The following OR4N5 variants were observed in gnomAD, a reference collection of about 807,000 sequenced individuals.
OR4N5 encodes olfactory receptor 4N5.
For missense variants in OR4N5, 428 were observed against 370.0 expected, an observed-to-expected ratio of 1.16 and a Z score of -1.29; for synonymous variants, 155 against 140.6, an observed-to-expected ratio of 1.10 and a Z score of -0.72.
At position 20,145,077 on chromosome 14, in the gene OR4N5, T is replaced by C. The variant is rs553561981; in HGVS notation, c.*415T>C. ...CAATATGATTCGAAAGAAACAACCA[T>C]GCAAATATCTGGGGACAGAAATTCT... is the stretch of plus-strand genomic sequence containing the variant. On this transcript the variant is annotated 3_prime_UTR_variant, in exon 3 of 3. Transcript: ENST00000641086. 6.2e-6 allele frequency: 1 copy of C among 160,270 alleles called. No individual in the cohort carries two copies. Among genetic ancestry groups the C allele is most frequent in the South Asian group, 1.8e-4 (1 of 5,530 alleles). The allele number at this position is 160,270 out of a possible 1,614,324, so 9.9% of individuals were successfully genotyped here.
Position 20,141,174 on chromosome 14 carries a change from ATAAC to A in OR4N5, c.-42_-39del, listed in dbSNP as rs1878608775. 6.6e-6 allele frequency: 1 copy of A among 152,116 alleles called. No homozygotes were observed. The highest frequency in any genetic ancestry group is 6.6e-5 in the Admixed American group (1 of 15,260). The allele number at this position is 152,116 out of a possible 1,614,324, so 9.4% of individuals were successfully genotyped here. A position where few individuals can be genotyped will look rare whatever the true frequency, so the allele number is the denominator to read the frequency against. ...AATCCTCAACCTGGAGAAGCATGAG[ATAAC>A]TAACTATAATTGAACATCTGGAATG... On this transcript the variant is annotated 5_prime_UTR_variant, in exon 2 of 3. Coordinates refer to ENST00000641086, the MANE Select transcript of OR4N5 (RefSeq NM_001004724.2).
intron 2 of OR4N5, 88 bp from the exon 3 acceptor site, chr14:20,143,637 C>A: frequency 2.2e-6 from 2 of 899,176 alleles, no homozygotes; most frequent in Non-Finnish European, 3.5e-6. Flanking sequence ...TTGGTTGGGA[C>A]AAATAATGTT....
At position 20,144,819 on chromosome 14, in the gene OR4N5, A is replaced by G. The variant is rs1285472714; in HGVS notation, c.*157A>G. The stretch of plus-strand genomic sequence containing the variant: ...ACTATTCCAGGCATATGAATGAGAC[A>G]GGTAAGATTCCAGGTCTCCTAGATT... On this transcript the variant is annotated 3_prime_UTR_variant, in exon 3 of 3. Coordinates refer to ENST00000641086, the MANE Select transcript of OR4N5 (RefSeq NM_001004724.2). 6.7e-6 allele frequency: 4 copies of G among 598,100 alleles called. No homozygotes were observed. In the African/African-American group the frequency reaches 7.4e-5, roughly 11 times the overall value. 37.0% of individuals were successfully genotyped at this position (598,100 alleles called of 1,614,324 possible). A position where few individuals can be genotyped will look rare whatever the true frequency, so the allele number is the denominator to read the frequency against.
Position 20,143,895 on chromosome 14 carries a change from G to A in OR4N5, c.160G>A (p.Gly54Arg), listed in dbSNP as rs1030037570. The change falls in exon 3 of 3, where the codon GGG becomes AGG. Residue 54 changes from glycine (G) to arginine (R), a missense_variant. Gly to Arg is a moderately radical substitution (Grantham distance 125, BLOSUM62 -2). Transcript: ENST00000641086. The stretch of plus-strand genomic sequence containing the variant: ...CATTTTCACCATAAAGTCAGACCCT[G>A]GGCTCACAGCCCCCCTCTATTTCTT... ...LIIFTIKSDP[G>R]LTAPLYFFLG... is the part of the protein sequence containing the mutation. The A allele has an allele frequency of 1.2e-5, 20 of 1,613,984 alleles. No individual in the cohort carries two copies. The highest frequency in any genetic ancestry group is 1.6e-5 in the Non-Finnish European group (19 of 1,179,950).
At position 20,144,513 on chromosome 14, in the gene OR4N5, T is replaced by C. The variant is rs10134472; in HGVS notation, c.778T>C (p.Cys260Arg). 5.2e-3 allele frequency: 8,376 copies of C among 1,614,066 alleles called. 176 individuals carry two copies. The highest frequency in any genetic ancestry group is 0.049 in the African/African-American group (3,662 of 75,028). ...TGGACCTGCTATTTTCATCTACACT[T>C]GCCCCTTCCAGGCTTTCCCAGCTGA... ...MFGPAIFIYT[C>R]PFQAFPADKV... Residue 260 changes from cysteine to arginine, a missense_variant, in exon 3 of 3, where the codon TGC (cysteine) becomes CGC (arginine). Cys to Arg is a radical substitution (Grantham distance 180). Transcript: ENST00000641086.
chr14:20,144,747 G>A lies in OR4N5; in HGVS notation c.*85G>A. 1 of 825,228 alleles carries A rather than the reference G, an allele frequency of 1.2e-6. No homozygotes were observed. Among genetic ancestry groups the A allele is most frequent in the South Asian group, 1.7e-5 (1 of 58,146 alleles). The allele number at this position is 825,228 out of a possible 1,614,324, so 51.1% of individuals were successfully genotyped here. On this transcript the variant is annotated 3_prime_UTR_variant, in exon 3 of 3. Transcript: ENST00000641086. Reference sequence around the variant, plus strand: ...CCTCATTCATGCATTGAATCAGTCAGTCATTTAGCAAGTATTATAATTATT... The same window carrying A: ...CCTCATTCATGCATTGAATCAGTCAATCATTTAGCAAGTATTATAATTATT...
rs537983683 is a variant in OR4N5 at position 20,142,996 on chromosome 14, T to A, written c.-11-729T>A. Among the ~76,000 whole-genome samples, 5 of 152,292 alleles carry A rather than the reference T, an allele frequency of 3.3e-5. No individual in the cohort carries two copies. The South Asian group carries it at 1.0e-3, about 32-fold the overall frequency. On this transcript the variant is annotated intron_variant, in intron 2 of 2. Transcript: ENST00000641086. ...ATCTGAAGAAGAAGTAGGTTATAGA[T>A]ATATAGAGAGCAGATGAAACTGAAT...
intron 1 of OR4N5, among the ~76,000 whole-genome samples, chr14:20,139,381 G>T (rs530797641): frequency 8.3e-4 from 126 of 152,240 alleles, no homozygotes; most frequent in African/African-American, 2.8e-3. Context: ...TTCCCCATCT[G>T]CACATGGTCC....
intron 1 of OR4N5, among the ~76,000 whole-genome samples, chr14:20,140,170 G>T (rs17242467): frequency 1.3e-5 from 2 of 152,032 alleles, no homozygotes; most frequent in African/African-American, 4.8e-5. Flanking sequence ...TAAAGGGTAG[G>T]CATTGAATAT....
At chr14:20,143,655 G>A in intron 2 of OR4N5, 70 bp from the exon 3 acceptor site, 4 of 1,014,398 alleles carry the variant, frequency 3.9e-6, no homozygotes, top group Non-Finnish European at 5.9e-6. Context: ...GTTCTTATCT[G>A]GAGAGGAGAT....
chr14:20,141,813 G>A (rs1308308217), intron 2 of OR4N5, among the ~76,000 whole-genome samples: 1 of 152,044 alleles, frequency 6.6e-6, no homozygotes, highest in Non-Finnish European at 1.5e-5. Context: ...AAATTCAATG[G>A]TTTTAAGTAT....
In OR4N5 at chr14:20,145,436, T is replaced by C. The variant is rs1878718987; in HGVS notation, c.*774T>C. On this transcript the variant is annotated 3_prime_UTR_variant, in exon 3 of 3. Coordinates refer to ENST00000641086, the MANE Select transcript of OR4N5 (RefSeq NM_001004724.2). ...TCATTAAGTGGAAAGTGCGTGCTGCTAAGTATTTTTTATTTATGTCAACAC... is the reference window on the plus strand; with the variant it reads ...TCATTAAGTGGAAAGTGCGTGCTGCCAAGTATTTTTTATTTATGTCAACAC... The C allele has an allele frequency of 1.3e-5, 2 of 152,192 alleles. No individual in the cohort carries two copies. Among genetic ancestry groups the C allele is most frequent in the African/African-American group, 2.4e-5 (1 of 41,464 alleles). The allele number at this position is 152,192 out of a possible 1,614,324, so 9.4% of individuals were successfully genotyped here. A position where few individuals can be genotyped will look rare whatever the true frequency, so the allele number is the denominator to read the frequency against.
chr14:20,144,512 T>A lies in OR4N5; in HGVS notation c.777T>A (p.Thr259=), dbSNP rs892746762. The A allele has an allele frequency of 1.9e-6, 3 of 1,614,094 alleles. No homozygotes were observed. Among genetic ancestry groups the A allele is most frequent in the Non-Finnish European group, 2.5e-6 (3 of 1,179,972 alleles). The change falls in exon 3 of 3, where the codon ACT becomes ACA. Residue 259 remains threonine, a synonymous_variant. Coordinates refer to ENST00000641086, the MANE Select transcript of OR4N5 (RefSeq NM_001004724.2). ...TTGGACCTGCTATTTTCATCTACAC[T>A]TGCCCCTTCCAGGCTTTCCCAGCTG... ...LMFGPAIFIY[T]CPFQAFPADK...
intron 2 of OR4N5, among the ~76,000 whole-genome samples, chr14:20,143,134 G>C (rs2139075773): frequency 6.6e-6 from 1 of 152,274 alleles, no homozygotes; most frequent in Non-Finnish European, 1.5e-5. Flanking sequence ...GATCTTGCTT[G>C]CTATCTTGGT....
At chr14:20,143,577 G>A (rs531790031) in intron 2 of OR4N5, 148 bp from the exon 3 acceptor site, 1 of 591,440 alleles carries the variant, frequency 1.7e-6, no homozygotes, top group African/African-American at 1.9e-5. Flanking sequence ...ATGAAGAATA[G>A]AAGGGTTAAC....
intron 1 of OR4N5, among the ~76,000 whole-genome samples, chr14:20,139,947 CAT>C (rs560140297): frequency 1.1e-3 from 160 of 152,134 alleles, no homozygotes; most frequent in African/African-American, 3.1e-3. Context: ...ACAGACAAAA[CAT>C]GTGACAAAAC....
chr14:20,142,006 C>T (rs574433071), intron 2 of OR4N5, among the ~76,000 whole-genome samples: 274 of 152,196 alleles, frequency 1.8e-3, no homozygotes, highest in African/African-American at 6.4e-3. Flanking sequence ...AATAATATTT[C>T]ATCTTTGAAA....
intron 1 of OR4N5, among the ~76,000 whole-genome samples, chr14:20,139,898 C>T (rs1878582999): frequency 6.6e-6 from 1 of 151,992 alleles, no homozygotes; most frequent in Non-Finnish European, 1.5e-5. Flanking sequence ...TTTAGAACAC[C>T]AAAATAACTT....
rs932466364 is a variant in OR4N5 at position 20,145,132 on chromosome 14, C to G, written c.*470C>G. 5.8e-5 allele frequency: 9 copies of G among 155,440 alleles called. No homozygotes were observed. The highest frequency in any genetic ancestry group is 2.2e-4 in the African/African-American group (9 of 41,262). The allele number at this position is 155,440 out of a possible 1,614,324, so 9.6% of individuals were successfully genotyped here. A position where few individuals can be genotyped will look rare whatever the true frequency, so the allele number is the denominator to read the frequency against. On this transcript the variant is annotated 3_prime_UTR_variant, in exon 3 of 3. Transcript: ENST00000641086. Reference sequence around the variant, plus strand: ...AAAAAGGCTGACTAGTACAAGAATCCAAAGATCTTATGAGCTTGTTATATT... The same window carrying G: ...AAAAAGGCTGACTAGTACAAGAATCGAAAGATCTTATGAGCTTGTTATATT...
Sources: allele counts gnomAD v4.1 joint callset (sites outside exome capture counted in the v4.1 genomes callset), GRCh38; gene constraint gnomAD v4.1.1; transcripts MANE v1.5; gene names NCBI Gene and HGNC (gene_info 2026-07-23, HGNC 2026-07-21).